Variants in GIT2 observed in about 807,000 individuals in gnomAD.
GIT2 encodes GIT ArfGAP 2.
Under a neutral mutation model 100.3 loss-of-function variants are expected in GIT2, and 32 were observed. The observed-to-expected ratio is 0.32, with a 90% CI of 0.24 to 0.43. GIT2 has a LOEUF of 0.43. GIT2 is among the 20% of genes least tolerant of loss of function. GIT2 has a pLI of 1.00. For synonymous variants in GIT2, 353 were observed against 364.1 expected, an observed-to-expected ratio of 0.97 and a Z score of 0.35; for missense variants, 737 against 975.1, an observed-to-expected ratio of 0.76 and a Z score of 3.25.
At position 109,955,587 on chromosome 12, in the gene GIT2, G is replaced by A. The variant is rs545836304; in HGVS notation, c.1100-2353C>T. Among the ~76,000 whole-genome samples, 3 of 152,288 alleles carry A rather than the reference G, an allele frequency of 2.0e-5. No homozygotes were observed. The South Asian group carries it at 6.2e-4, about 32-fold the overall frequency. ...ATTGATTCATTAACATTGAACTCAT[G>A]GCCAACGGCACTATAAATCATGCCT... On this transcript the variant is annotated intron_variant, in intron 12 of 19. Coordinates refer to ENST00000355312, the MANE Select transcript of GIT2 (RefSeq NM_057169.5).
Position 109,948,329 on chromosome 12 carries a change from C to CA in GIT2, c.1393-826dup. The CA allele has an allele frequency of 2.0e-6, 2 of 987,752 alleles. No individual in the cohort carries two copies. Among genetic ancestry groups the CA allele is most frequent in the Non-Finnish European group, 2.4e-6 (2 of 831,574 alleles). 61.2% of individuals were successfully genotyped at this position (987,752 alleles called of 1,614,324 possible). A position where few individuals can be genotyped will look rare whatever the true frequency, so the allele number is the denominator to read the frequency against. Reference sequence around the variant, plus strand: ...CTTTCTCTCCTTTGGCTTTGTCACCCAAAAAACACGACCTCAGTGGTGTCA... The same window carrying CA: ...CTTTCTCTCCTTTGGCTTTGTCACCCAAAAAAACACGACCTCAGTGGTGTCA... On this transcript the variant is annotated intron_variant, in intron 14 of 19. Transcript: ENST00000355312. This position sits in a 1 kb window ranked among gnomAD's most constrained non-coding sequence, Gnocchi z 4.3.
At chr12:109,944,267 T>C (rs1875652915) in intron 16 of GIT2, among the ~76,000 whole-genome samples, 2 of 152,326 alleles carry the variant, frequency 1.3e-5, no homozygotes, top group African/African-American at 4.8e-5. Context: ...CTCTCCATAA[T>C]TCCTAGGTGT....
In GIT2 at chr12:109,965,476, G is replaced by A. The variant is rs990660538; in HGVS notation, c.816+50C>T. 9.9e-6 allele frequency: 10 copies of A among 1,005,072 alleles called. No homozygotes were observed. The African/African-American group carries it at 1.6e-4, about 16-fold the overall frequency. 62.3% of individuals were successfully genotyped at this position (1,005,072 alleles called of 1,614,324 possible). ...CCTGCATTCAGAGTAGGTATCAGCA[G>A]GGTGCACTGATTCTCATACTAGAGA... On this transcript the variant is annotated intron_variant, in intron 9 of 19. Transcript: ENST00000355312.
rs754671426 is a variant in GIT2 at position 109,947,271 on chromosome 12, C to A, written c.1626G>T (p.Gln542His). Residue 542 changes from glutamine to histidine, a missense_variant, in exon 15 of 20, where the codon CAG (glutamine) becomes CAT (histidine). Physicochemically the swap from Gln to His is conservative, Grantham distance 24. Coordinates refer to ENST00000355312, the MANE Select transcript of GIT2 (RefSeq NM_057169.5). This position sits in a 1 kb window ranked among gnomAD's most constrained non-coding sequence, Gnocchi z 4.3. ...SRPEESRMRL[Q>H]PFPAHIGRSA... ...TGTTACTTACGTGCGCGGGGAAGGGCTGGAGTCTCATCCTGCTCTCTTCGG... is the reference window on the plus strand; with the variant it reads ...TGTTACTTACGTGCGCGGGGAAGGGATGGAGTCTCATCCTGCTCTCTTCGG... The A allele has an allele frequency of 8.7e-6, 14 of 1,613,604 alleles. No individual in the cohort carries two copies. The highest frequency in any genetic ancestry group is 1.1e-5 in the Non-Finnish European group (13 of 1,179,706).
At position 109,948,377 on chromosome 12, in the gene GIT2, T is replaced by C; in HGVS notation, c.1393-873A>G. 1.0e-6 allele frequency: 1 copy of C among 994,630 alleles called. No individual in the cohort carries two copies. The highest frequency in any genetic ancestry group is 1.2e-6 in the Non-Finnish European group (1 of 836,024). 61.6% of individuals were successfully genotyped at this position (994,630 alleles called of 1,614,324 possible). ...TCAGCTTTGAACATGCTAATCTGCC[T>C]GGCACCACCCCATTTTAGAGACTGT... On this transcript the variant is annotated intron_variant, in intron 14 of 19. Coordinates refer to ENST00000355312, the MANE Select transcript of GIT2 (RefSeq NM_057169.5). This position sits in a 1 kb window ranked among gnomAD's most constrained non-coding sequence, Gnocchi z 4.3.
chr12:109,954,574 T>C (rs1021305053), intron 12 of GIT2: 2 of 152,094 alleles, frequency 1.3e-5, no homozygotes, highest in African/African-American at 4.8e-5. Context: ...GGATGGATGA[T>C]ATCTGGGTGA....
chr12:110,000,088 T>C (rs1889873258), upstream of GIT2, among the ~76,000 whole-genome samples: 1 of 152,224 alleles, frequency 6.6e-6, no homozygotes, highest in East Asian at 1.9e-4. Context: ...GCCGCCCCGC[T>C]GATAAATGCC....
Position 109,983,643 on chromosome 12 carries a change from AC to A in GIT2, c.456del (p.Leu153TyrfsTer3), listed in dbSNP as rs774201676. On this transcript the variant is annotated frameshift_variant, in exon 5 of 20. Transcript: ENST00000355312. LOFTEE classifies it high-confidence loss of function. ...AAGTTGGCTTGTGCTCCTAAAGATA[AC>A]AGTCTCAAACAGGTTTCAAGATTCC... ...RTGNLETCLR[L>X]LSLGAQANFF... 1 of 1,613,234 alleles carries A rather than the reference AC, an allele frequency of 6.2e-7. No homozygotes were observed.
At chr12:109,997,103 G>C (rs1293427544), upstream of GIT2, among the ~76,000 whole-genome samples, 2 of 151,780 alleles carry the variant, frequency 1.3e-5, no homozygotes, top group African/African-American at 4.8e-5. Context: ...TCAGTTACTT[G>C]GGAGGCTGAG....
upstream of GIT2, chr12:109,999,631 C>T: frequency 7.1e-7 from 1 of 1,412,854 alleles, no homozygotes; most frequent in South Asian, 1.3e-5. This position sits in a 1 kb window ranked among gnomAD's most constrained non-coding sequence, Gnocchi z 4.3. Flanking sequence ...GCGCGGGAGA[C>T]CCCGCCGGGG....
At chr12:109,949,226 T>C (rs1375827657) in intron 14 of GIT2, among the ~76,000 whole-genome samples, 1 of 152,234 alleles carries the variant, frequency 6.6e-6, no homozygotes, top group Non-Finnish European at 1.5e-5. Flanking sequence ...CTGTTGAAAC[T>C]ATTCATTAGA....
chr12:109,998,836 T>G (rs900160861), upstream of GIT2: 3 of 151,736 alleles, frequency 2.0e-5, no homozygotes, highest in African/African-American at 7.3e-5. Context: ...TGGCATTGAG[T>G]GGGGAGAAAG....
chr12:109,996,256 G>T lies in GIT2; in HGVS notation c.-32C>A. 3 of 1,489,130 alleles carry T rather than the reference G, an allele frequency of 2.0e-6. No individual in the cohort carries two copies. The highest frequency in any genetic ancestry group is 2.7e-6 in the Non-Finnish European group (3 of 1,103,312). The allele number at this position is 1,489,130 out of a possible 1,614,324, so 92.2% of individuals were successfully genotyped here. A position where few individuals can be genotyped will look rare whatever the true frequency, so the allele number is the denominator to read the frequency against. The stretch of plus-strand genomic sequence containing the variant: ...CACCTCCCACCTGCGGGGAACTAGA[G>T]GCCGGGGGACAGCAAAGGCGGCGGT... On this transcript the variant is annotated 5_prime_UTR_variant, in exon 1 of 20. Coordinates refer to ENST00000355312, the MANE Select transcript of GIT2 (RefSeq NM_057169.5).
rs566244855 is a variant in GIT2, at chr12:109,960,528, C to G, written c.988-570G>C. 3.5e-4 allele frequency among the ~76,000 whole-genome samples: 54 copies of G among 152,128 alleles called. 2 individuals are homozygous for G. In the South Asian group the frequency reaches 0.01, roughly 29 times the overall value. ...TCCGGGAGGTGGAGGTTGCAGTGAG[C>G]TGAGATGGTGCCACTGCACTCTAGC... On this transcript the variant is annotated intron_variant, in intron 11 of 19. Coordinates refer to ENST00000355312, the MANE Select transcript of GIT2 (RefSeq NM_057169.5).
At chr12:109,986,723 C>A (rs1887460613) in intron 4 of GIT2, among the ~76,000 whole-genome samples, 1 of 152,060 alleles carries the variant, frequency 6.6e-6, no homozygotes, top group African/African-American at 2.4e-5. Flanking sequence ...CAAGATTGCG[C>A]CACTGCACTC....
rs191062076 is a variant in GIT2 at position 109,976,377 on chromosome 12, C to T, written c.718+4575G>A. Among the ~76,000 whole-genome samples the T allele has an allele frequency of 1.4e-3, 208 of 150,412 alleles. 1 individual carries two copies. Among genetic ancestry groups the T allele is most frequent in the African/African-American group, 4.5e-3 (185 of 40,862 alleles). Reference sequence around the variant, plus strand: ...TCAGCTCACTACAAGCTCCGCCTCCCGGGTTCACGCCATCCTCCTGCCTCA... The same window carrying T: ...TCAGCTCACTACAAGCTCCGCCTCCTGGGTTCACGCCATCCTCCTGCCTCA... On this transcript the variant is annotated intron_variant, in intron 7 of 19. Coordinates refer to ENST00000355312, the MANE Select transcript of GIT2 (RefSeq NM_057169.5).
intron 2 of GIT2, among the ~76,000 whole-genome samples, chr12:109,990,317 A>C (rs1888138105): frequency 6.6e-6 from 1 of 152,208 alleles, no homozygotes; most frequent in South Asian, 2.1e-4. Flanking sequence ...TTGTTGCTTT[A>C]GGGTCAACCC....
intron 16 of GIT2, among the ~76,000 whole-genome samples, chr12:109,944,952 C>T (rs1227404651): frequency 6.6e-6 from 1 of 152,136 alleles, no homozygotes; most frequent in East Asian, 1.9e-4. Flanking sequence ...AACCAGCAGC[C>T]AGCTAATTTT....
In GIT2 at chr12:109,933,654, C is replaced by A. The variant is rs185187562; in HGVS notation, c.2067+368G>T. 2 of 223,332 alleles carry A rather than the reference C, an allele frequency of 9.0e-6. No individual in the cohort carries two copies. The highest frequency in any genetic ancestry group is 2.2e-4 in the East Asian group (2 of 8,924). 13.8% of individuals were successfully genotyped at this position (223,332 alleles called of 1,614,324 possible). ...TTCACTCTTGTTGCCCAGGCTGGAG[C>A]GCAATGGCACGATCTTGACTCACTG... On this transcript the variant is annotated intron_variant, in intron 19 of 19. Transcript: ENST00000355312. The surrounding 1 kb of genome is among the most constrained non-coding windows in gnomAD (Gnocchi z 4.5).
Sources: gnomAD v4.1 joint callset for allele counts (sites outside exome capture counted in the v4.1 genomes callset) on GRCh38, gnomAD v4.1.1 for gene constraint, Gnocchi (gnomAD v3.1) non-coding constraint, MANE v1.5 for transcripts, NCBI Gene and HGNC (gene_info 2026-07-23, HGNC 2026-07-21) for gene names.